The following CLSTN2 variants were observed in gnomAD, a reference collection of about 807,000 sequenced individuals.
CLSTN2 encodes calsyntenin 2, also known as calsyntenin-2.
Under a neutral mutation model 101.2 loss-of-function variants are expected in CLSTN2, and 48 were observed. That is an observed-to-expected ratio of 0.47 (90% confidence interval 0.38 to 0.60). The LOEUF is 0.60. Ranked by LOEUF, CLSTN2 falls within the 20% of genes least tolerant of loss-of-function variation. CLSTN2 has a pLI of 0.00. For synonymous variants in CLSTN2, 481 were observed against 463.6 expected, an observed-to-expected ratio of 1.04 and a Z score of -0.48; for missense variants, 1,160 against 1,238.2, an observed-to-expected ratio of 0.94 and a Z score of 0.95.
chr3:140,550,944 G>A (rs1559901995), intron 10 of CLSTN2, among the ~76,000 whole-genome samples: 1 of 151,692 alleles, frequency 6.6e-6, no homozygotes, highest in Non-Finnish European at 1.5e-5. Flanking sequence ...AGCACCGTGT[G>A]AGAAGTTAAT....
intron 1 of CLSTN2, among the ~76,000 whole-genome samples, chr3:140,025,233 A>C (rs2007394451): frequency 6.6e-6 from 1 of 152,106 alleles, no homozygotes; most frequent in Non-Finnish European, 1.5e-5. Context: ...GCTCAGAAAA[A>C]TTTTATTCCT....
chr3:140,573,181 T>C lies in CLSTN2; in HGVS notation c.*6928T>C, dbSNP rs1183877192. The C allele has an allele frequency of 6.6e-6, 1 of 152,232 alleles. No homozygotes were observed. The highest frequency in any genetic ancestry group is 1.5e-5 in the Non-Finnish European group (1 of 68,096). The allele number at this position is 152,232 out of a possible 1,614,324, so 9.4% of individuals were successfully genotyped here. On this transcript the variant is annotated 3_prime_UTR_variant, in exon 17 of 17. Transcript: ENST00000458420. ...GGAGAGCTGCTTTCTACACAGCCTG[T>C]ATGCTGGTGGAGACACCCAGGGCCT...
chr3:140,098,985 T>C (rs1576426363), intron 1 of CLSTN2, among the ~76,000 whole-genome samples: 1 of 151,650 alleles, frequency 6.6e-6, no homozygotes, highest in South Asian at 2.1e-4. Context: ...ACATGGGAGG[T>C]GGTGAGAGGC....
chr3:140,529,438 C>T (rs1310754189), intron 8 of CLSTN2, among the ~76,000 whole-genome samples: 3 of 152,182 alleles, frequency 2.0e-5, no homozygotes, highest in African/African-American at 7.2e-5. Flanking sequence ...CATGAACAGT[C>T]GGGAATTGAA....
intron 9 of CLSTN2, among the ~76,000 whole-genome samples, chr3:140,540,635 A>T (rs1472279426): frequency 6.6e-6 from 1 of 152,212 alleles, no homozygotes; most frequent in Non-Finnish European, 1.5e-5. Flanking sequence ...CAACCCCAGC[A>T]AGAGGATTCA....
At chr3:140,547,538 T>C (rs1309922372) in intron 10 of CLSTN2, among the ~76,000 whole-genome samples, 1 of 152,100 alleles carries the variant, frequency 6.6e-6, no homozygotes, top group Admixed American at 6.5e-5. Flanking sequence ...TGATTTGTAT[T>C]GTTTATGCAA....
At chr3:140,206,527 T>A (rs1017206266) in intron 2 of CLSTN2, among the ~76,000 whole-genome samples, 2 of 152,168 alleles carry the variant, frequency 1.3e-5, no homozygotes, top group African/African-American at 4.8e-5. Flanking sequence ...TCGGCTCTTA[T>A]CAAATATGAG....
At chr3:140,360,947 C>T (rs1436084989) in intron 2 of CLSTN2, among the ~76,000 whole-genome samples, 2 of 152,088 alleles carry the variant, frequency 1.3e-5, no homozygotes, top group Non-Finnish European at 2.9e-5. Flanking sequence ...AGAAGTAATG[C>T]AAATCTTTTA....
chr3:139,965,568 T>C (rs1367000582), intron 1 of CLSTN2, among the ~76,000 whole-genome samples: 1 of 152,004 alleles, frequency 6.6e-6, no homozygotes, highest in Non-Finnish European at 1.5e-5. Flanking sequence ...CGAGAAAGAG[T>C]GTCTAGCTAT....
At chr3:140,135,117 C>CACACATATATATAT (rs1488268767) in intron 1 of CLSTN2, among the ~76,000 whole-genome samples, 3 of 58,112 alleles carry the variant, frequency 5.2e-5, no homozygotes, top group East Asian at 4.5e-4. Flanking sequence ...CACACACACA[C>CACACATATATATAT]ATATATATAT....
chr3:140,100,552 C>G (rs2008948366), intron 1 of CLSTN2, among the ~76,000 whole-genome samples: 1 of 152,214 alleles, frequency 6.6e-6, no homozygotes, highest in Non-Finnish European at 1.5e-5. Flanking sequence ...CAAAACATGA[C>G]TTGGTGATAG....
chr3:140,438,394 T>C (rs574673976), intron 5 of CLSTN2, among the ~76,000 whole-genome samples: 1 of 118,456 alleles, frequency 8.4e-6, no homozygotes, highest in South Asian at 2.9e-4. Context: ...TGGGAAATCC[T>C]GCACTCCAGT....
intron 1 of CLSTN2, among the ~76,000 whole-genome samples, chr3:140,084,145 T>G (rs2008642475): frequency 6.6e-6 from 1 of 152,192 alleles, no homozygotes; most frequent in Non-Finnish European, 1.5e-5. Context: ...CATATTGGTG[T>G]TCTCCTTGCC....
At chr3:140,004,300 T>G (rs1471629181) in intron 1 of CLSTN2, among the ~76,000 whole-genome samples, 2 of 152,240 alleles carry the variant, frequency 1.3e-5, no homozygotes, top group African/African-American at 4.8e-5. Context: ...AGTGACTTTC[T>G]TATGTAAACA....
chr3:140,459,252 T>C (rs1192703991), intron 6 of CLSTN2, among the ~76,000 whole-genome samples: 2 of 152,210 alleles, frequency 1.3e-5, no homozygotes, highest in African/African-American at 4.8e-5. Context: ...TCCAACTTTC[T>C]AAATTCCTCC....
Position 140,553,178 on chromosome 3 carries a change from G to A in CLSTN2, c.1675-3335G>A, listed in dbSNP as rs182174794. Among the ~76,000 whole-genome samples, 48 of 152,324 alleles carry A rather than the reference G, an allele frequency of 3.2e-4. 1 individual carries two copies. The East Asian group carries it at 8.9e-3, about 28-fold the overall frequency. The stretch of plus-strand genomic sequence containing the variant: ...GGCTCAGTGAGACACCGCTCCTCAG[G>A]ACTTGGAAGGACAGAAGAGAATTGT... On this transcript the variant is annotated intron_variant, in intron 10 of 16. Coordinates refer to ENST00000458420, the MANE Select transcript of CLSTN2 (RefSeq NM_022131.3).
intron 1 of CLSTN2, among the ~76,000 whole-genome samples, chr3:140,164,068 A>G (rs1219151056): frequency 1.3e-5 from 2 of 152,184 alleles, no homozygotes; most frequent in African/African-American, 2.4e-5. Flanking sequence ...CTTCAGTCCA[A>G]TAATGTTCAG....
chr3:140,491,199 C>G (rs528102624), intron 8 of CLSTN2, among the ~76,000 whole-genome samples: 3 of 152,300 alleles, frequency 2.0e-5, no homozygotes, highest in African/African-American at 7.2e-5. Flanking sequence ...TCTTTACTCC[C>G]TTCTACTTTG....
In CLSTN2 at chr3:140,571,315, T is replaced by C. The variant is rs765586084; in HGVS notation, c.*5062T>C. On this transcript the variant is annotated 3_prime_UTR_variant, in exon 17 of 17. Coordinates refer to ENST00000458420, the MANE Select transcript of CLSTN2 (RefSeq NM_022131.3). ...GCACACTTCGAAATTAGCAATCTTC[T>C]TGGCTCTATGGCTCAATATCAGCAA... 1.3e-5 allele frequency: 2 copies of C among 152,254 alleles called. No homozygotes were observed. Among genetic ancestry groups the C allele is most frequent in the Non-Finnish European group, 2.9e-5 (2 of 68,048 alleles). The allele number at this position is 152,254 out of a possible 1,614,324, so 9.4% of individuals were successfully genotyped here. A position where few individuals can be genotyped will look rare whatever the true frequency, so the allele number is the denominator to read the frequency against.
Sources: gnomAD v4.1 joint callset for allele counts (sites outside exome capture counted in the v4.1 genomes callset) on GRCh38, gnomAD v4.1.1 for gene constraint, MANE v1.5 for transcripts, NCBI Gene and HGNC (gene_info 2026-07-23, HGNC 2026-07-21) for gene names.